The following OR9Q1 variants were observed in gnomAD, a reference collection of about 807,000 sequenced individuals.
The protein encoded by OR9Q1 is olfactory receptor family 9 subfamily Q member 1.
For missense variants in OR9Q1, 374 were observed against 378.8 expected (o/e 0.99, Z 0.11); for synonymous variants, 153 against 148.6 (o/e 1.03, Z -0.22).
chr11:58,104,845 G>A (rs1399526625), intron 2 of OR9Q1, among the ~76,000 whole-genome samples: 3 of 152,134 alleles, frequency 2.0e-5, no homozygotes, highest in African/African-American at 7.2e-5. Context: ...TTAATCCTGG[G>A]TGCCTGAATG....
chr11:58,073,132 G>T (rs1853503951), intron 2 of OR9Q1: 1 of 215,560 alleles, frequency 4.6e-6, no homozygotes, highest in Non-Finnish European at 1.0e-5. Context: ...CCAGCAAATG[G>T]ATCAAAATCA....
chr11:58,090,045 G>A (rs966167110), intron 2 of OR9Q1, among the ~76,000 whole-genome samples: 5 of 151,980 alleles, frequency 3.3e-5, no homozygotes, highest in Admixed American at 6.6e-5. Context: ...GGAGATTTTG[G>A]GCTGAGATCA....
chr11:58,082,733 AC>A (rs1853599794), intron 2 of OR9Q1, among the ~76,000 whole-genome samples: 1 of 120,236 alleles, frequency 8.3e-6, no homozygotes, highest in Admixed American at 8.2e-5. Context: ...GTACCCTAAA[AC>A]TTAAAGTATA....
At chr11:58,059,210 G>A (rs1384433751) in intron 2 of OR9Q1, among the ~76,000 whole-genome samples, 2 of 152,162 alleles carry the variant, frequency 1.3e-5, no homozygotes, top group African/African-American at 2.4e-5. Context: ...TTCCAGTGGG[G>A]GTGGGAGAAG....
chr11:58,112,733 C>A (rs530667709), intron 2 of OR9Q1, among the ~76,000 whole-genome samples: 1 of 152,266 alleles, frequency 6.6e-6, no homozygotes, highest in East Asian at 1.9e-4. Flanking sequence ...TTCCTGGAAA[C>A]CCCAAGCTTA....
chr11:58,045,425 G>C (rs565742960), intron 1 of OR9Q1: 30 of 152,224 alleles, frequency 2.0e-4, no homozygotes, highest in African/African-American at 7.0e-4. Flanking sequence ...GTAGAGACAG[G>C]GTTTCACCAT....
At chr11:58,062,250 T>C (rs780151361) in intron 2 of OR9Q1, among the ~76,000 whole-genome samples, 13 of 152,206 alleles carry the variant, frequency 8.5e-5, no homozygotes, top group African/African-American at 4.8e-5. Context: ...AACTGGACCA[T>C]TGTGGCTCTG....
At chr11:58,118,946 A>G in intron 2 of OR9Q1, 1 of 1,613,998 alleles carries the variant, frequency 6.2e-7, no homozygotes, top group Non-Finnish European at 8.5e-7. Flanking sequence ...TTACAGAAGG[A>G]GAGGGTGAAG....
rs771386781 is a variant in OR9Q1, at chr11:58,180,167, C to T, written c.723C>T (p.Thr241=). The change falls in exon 3 of 3, where the codon ACC becomes ACT. Residue 241 remains threonine, a synonymous_variant. Coordinates refer to ENST00000335397, the MANE Select transcript of OR9Q1 (RefSeq NM_001005212.4). Reference sequence around the variant, plus strand: ...AGGCCAAGACCTTCTCCACCTGCACCTCCCACCTCACTGCTGTGTCACTCT... The same window carrying T: ...AGGCCAAGACCTTCTCCACCTGCACTTCCCACCTCACTGCTGTGTCACTCT... ...GSQAKTFSTC[T]SHLTAVSLFF... 1.7e-5 allele frequency: 27 copies of T among 1,613,976 alleles called. No individual in the cohort carries two copies. Among genetic ancestry groups the T allele is most frequent in the Non-Finnish European group, 2.2e-5 (26 of 1,179,924 alleles).
chr11:58,063,729 C>T (rs1408170049), intron 2 of OR9Q1, among the ~76,000 whole-genome samples: 3 of 152,082 alleles, frequency 2.0e-5, no homozygotes, highest in African/African-American at 7.2e-5. Flanking sequence ...TTTTAAAGGT[C>T]ACAATCAGGC....
At chr11:58,072,759 G>C (rs1035759477) in intron 2 of OR9Q1, 2 of 155,244 alleles carry the variant, frequency 1.3e-5, no homozygotes, top group Non-Finnish European at 2.9e-5. Flanking sequence ...TGGCTTCCTG[G>C]ACATTTTTCT....
chr11:58,031,807 C>A (rs952042998), intron 1 of OR9Q1: 5 of 1,614,020 alleles, frequency 3.1e-6, no homozygotes, highest in Non-Finnish European at 8.5e-7. Context: ...ACTCTGTTGT[C>A]ACGCCCATGC....
intron 2 of OR9Q1, among the ~76,000 whole-genome samples, chr11:58,059,299 G>A (rs1348699457): frequency 6.6e-6 from 1 of 152,002 alleles, no homozygotes; most frequent in African/African-American, 2.4e-5. Context: ...AAAGATAAAG[G>A]CTCAAGTGAA....
rs146771671 is a variant in OR9Q1, at chr11:58,115,325, C to G, written c.-15+59378C>G. The stretch of plus-strand genomic sequence containing the variant: ...GGGTAAATAATTTAATTTCTCAGAT[C>G]TAAAGCAAATAAAGCAATTCCTAAT... On this transcript the variant is annotated intron_variant, in intron 2 of 2. Transcript: ENST00000335397. Among the ~76,000 whole-genome samples the G allele has an allele frequency of 8.5e-4, 130 of 152,084 alleles. 1 individual carries two copies. Among genetic ancestry groups the G allele is most frequent in the African/African-American group, 3.0e-3 (123 of 41,470 alleles).
intron 2 of OR9Q1, among the ~76,000 whole-genome samples, chr11:58,085,341 T>C (rs999536306): frequency 1.3e-5 from 2 of 151,880 alleles, no homozygotes; most frequent in Admixed American, 6.6e-5. Flanking sequence ...AGGCAATCAA[T>C]GTATTAATCA....
intron 2 of OR9Q1, among the ~76,000 whole-genome samples, chr11:58,082,431 T>A (rs1486382026): frequency 6.6e-6 from 1 of 151,446 alleles, no homozygotes; most frequent in Non-Finnish European, 1.5e-5. Context: ...AAATGATGAG[T>A]TCATGTCCTT....
chr11:58,062,211 A>T (rs1440917571), intron 2 of OR9Q1, among the ~76,000 whole-genome samples: 2 of 152,240 alleles, frequency 1.3e-5, no homozygotes, highest in Non-Finnish European at 2.9e-5. Flanking sequence ...AGGATTATCC[A>T]TAAGCCTAGC....
At chr11:58,054,268 G>A (rs1853305298) in intron 1 of OR9Q1, among the ~76,000 whole-genome samples, 1 of 152,144 alleles carries the variant, frequency 6.6e-6, no homozygotes, top group African/African-American at 2.4e-5. Flanking sequence ...CTTTGATTTT[G>A]TAATTAGGAA....
At chr11:58,141,480 A>G (rs908019443) in intron 2 of OR9Q1, among the ~76,000 whole-genome samples, 11 of 152,146 alleles carry the variant, frequency 7.2e-5, no homozygotes, top group East Asian at 1.9e-4. Context: ...AGATAATCAT[A>G]TGGTTTTTGT....
Sources: allele counts gnomAD v4.1 joint callset (sites outside exome capture counted in the v4.1 genomes callset), GRCh38; gene constraint gnomAD v4.1.1; transcripts MANE v1.5; gene names NCBI Gene and HGNC (gene_info 2026-07-23, HGNC 2026-07-21).